The following PDS5A variants were observed in gnomAD, a reference collection of about 807,000 sequenced individuals.
The protein encoded by PDS5A is PDS5 cohesin associated factor A.
A neutral mutation model predicts 167.1 loss-of-function variants in PDS5A; 42 were observed. The ratio of observed to expected loss-of-function variants is 0.25; its 90% CI spans 0.20 to 0.33. PDS5A has a LOEUF of 0.33. PDS5A is among the 10% of genes least tolerant of loss of function. The pLI, the probability that PDS5A is intolerant of heterozygous loss-of-function variation, is 1.00. For synonymous variants in PDS5A, 553 were observed against 554.6 expected (o/e 1.00, Z 0.04); for missense variants, 1,033 against 1,605.9 (o/e 0.64, Z 6.10).
intron 2 of PDS5A, among the ~76,000 whole-genome samples, chr4:39,957,526 C>T (rs1257293438): frequency 6.6e-6 from 1 of 152,082 alleles, no homozygotes; most frequent in Non-Finnish European, 1.5e-5. Flanking sequence ...GCACAGTGGC[C>T]TGTAATCCTA....
intron 17 of PDS5A, among the ~76,000 whole-genome samples, chr4:39,887,463 A>G (rs1184423471): frequency 6.6e-6 from 1 of 152,140 alleles, no homozygotes; most frequent in Non-Finnish European, 1.5e-5. Context: ...GATGAATTCC[A>G]CTTTATTGTG....
intron 9 of PDS5A, among the ~76,000 whole-genome samples, chr4:39,912,762 C>T (rs1480579870): frequency 6.6e-6 from 1 of 152,166 alleles, no homozygotes; most frequent in Non-Finnish European, 1.5e-5. Flanking sequence ...TAATGAATTT[C>T]ATAAATTTGT....
chr4:39,854,128 T>C (rs1578610297), intron 26 of PDS5A, among the ~76,000 whole-genome samples: 1 of 151,796 alleles, frequency 6.6e-6, no homozygotes, highest in African/African-American at 2.4e-5. Context: ...ATGGCGAAAC[T>C]CCATCTCTTA....
chr4:39,958,595 C>A (rs1729184522), intron 2 of PDS5A, among the ~76,000 whole-genome samples: 1 of 137,404 alleles, frequency 7.3e-6, no homozygotes. Context: ...TAGTAGTACT[C>A]ATTTCTTGTC....
At chr4:39,959,766 C>A (rs1028812401) in intron 2 of PDS5A, among the ~76,000 whole-genome samples, 1 of 151,872 alleles carries the variant, frequency 6.6e-6, no homozygotes, top group African/African-American at 2.4e-5. Flanking sequence ...ACCAGCCTGG[C>A]CAACAAGGTG....
intron 2 of PDS5A, among the ~76,000 whole-genome samples, chr4:39,928,825 T>TA (rs201886708): frequency 0.3 from 41,559 of 139,250 alleles, 6,874 homozygotes; most frequent in South Asian, 0.46. Flanking sequence ...ACACTGTCTT[T>TA]AAAAAAAAAA....
chr4:39,850,333 T>C (rs1369438602), intron 26 of PDS5A, among the ~76,000 whole-genome samples: 1 of 145,690 alleles, frequency 6.9e-6, no homozygotes, highest in Non-Finnish European at 1.5e-5. Context: ...ACAAAAAAAA[T>C]ACAAAAATTA....
intron 26 of PDS5A, among the ~76,000 whole-genome samples, chr4:39,859,379 C>A (rs181742225): frequency 6.6e-6 from 1 of 152,132 alleles, no homozygotes; most frequent in Non-Finnish European, 1.5e-5. Context: ...CTCCTGGGCT[C>A]GGGCAATCCT....
chr4:39,927,835 T>G, intron 3 of PDS5A, 126 bp downstream of exon 3: 1 of 674,888 alleles, frequency 1.5e-6, no homozygotes, highest in Non-Finnish European at 2.5e-6. Flanking sequence ...CAACTTACAA[T>G]ATATTCTTAA....
chr4:39,925,742 C>T, intron 5 of PDS5A, 94 bp downstream of exon 5: 1 of 404,920 alleles, frequency 2.5e-6, no homozygotes, highest in East Asian at 4.0e-5. Context: ...TTCCTTATAA[C>T]TCTGAAATAT....
intron 32 of PDS5A, among the ~76,000 whole-genome samples, chr4:39,834,088 G>A (rs190393985): frequency 1.3e-5 from 2 of 151,846 alleles, no homozygotes; most frequent in South Asian, 2.1e-4. Context: ...ACAGTGGCGC[G>A]TGCCTGTAGT....
At chr4:39,941,696 T>C (rs1727238401) in intron 2 of PDS5A, among the ~76,000 whole-genome samples, 2 of 152,200 alleles carry the variant, frequency 1.3e-5, no homozygotes, top group Non-Finnish European at 2.9e-5. Flanking sequence ...TTGAAGTGGC[T>C]TACTGACCAA....
chr4:39,909,977 C>T (rs1723755202), intron 10 of PDS5A: 2 of 296,316 alleles, frequency 6.7e-6, no homozygotes, highest in Non-Finnish European at 1.2e-5. Flanking sequence ...GTAGCACCCG[C>T]CTGTAATACT....
In PDS5A at chr4:39,862,280, G is replaced by T; in HGVS notation, c.3025C>A (p.Leu1009Ile). 6.5e-7 allele frequency: 1 copy of T among 1,541,422 alleles called. No individual in the cohort carries two copies. Among genetic ancestry groups the T allele is most frequent in the Non-Finnish European group, 8.8e-7 (1 of 1,136,908 alleles). ...CTTGTAAAATCTGGATCATGGGCTA[G>T]CAGGTGAATCATGTATGGAACTACA... ...EYVVPYMIHLLAHDPDFTRSQ... is the reference protein window; with the variant it reads ...EYVVPYMIHLIAHDPDFTRSQ... Residue 1009 changes from leucine (L) to isoleucine (I), a missense_variant, in exon 26 of 33, where the codon CTA (leucine) becomes ATA (isoleucine). Physicochemically the swap from Leu to Ile is conservative, Grantham distance 5. This residue lies in a region of PDS5A where 367 missense variants were observed against 686.7 expected (regional missense o/e 0.53). Transcript: ENST00000303538.
chr4:39,837,847 G>A lies in PDS5A; in HGVS notation c.4010+9C>T, dbSNP rs373830943. 2.6e-5 allele frequency: 42 copies of A among 1,587,732 alleles called. No homozygotes were observed. Among genetic ancestry groups the A allele is most frequent in the Admixed American group, 1.9e-4 (11 of 57,060 alleles). Reference sequence around the variant, plus strand: ...AAATTCCCACTTGAGGAAGAATGGCGTACATTACCTTTGTAAGTCAATTTG... The same window carrying A: ...AAATTCCCACTTGAGGAAGAATGGCATACATTACCTTTGTAAGTCAATTTG... On this transcript the variant is annotated intron_variant, in intron 32 of 32. Transcript: ENST00000303538.
In PDS5A at chr4:39,898,035, TTTA is replaced by T. The variant is rs1008598499; in HGVS notation, c.1770+351_1770+353del. 9 of 981,660 alleles carry T rather than the reference TTTA, an allele frequency of 9.2e-6. No individual in the cohort carries two copies. In the African/African-American group the frequency reaches 1.6e-4, roughly 17 times the overall value. 60.8% of individuals were successfully genotyped at this position (981,660 alleles called of 1,614,324 possible). Reference sequence around the variant, plus strand: ...TATATGGCAATGTTACTACTACTAATTTATTGACGATTATTTCCATTCTAATAC... The same window carrying T: ...TATATGGCAATGTTACTACTACTAATTTGACGATTATTTCCATTCTAATAC... On this transcript the variant is annotated intron_variant, in intron 16 of 32. Coordinates refer to ENST00000303538, the MANE Select transcript of PDS5A (RefSeq NM_001100399.2).
chr4:39,972,094 A>C (rs189657846), intron 2 of PDS5A, among the ~76,000 whole-genome samples: 1 of 152,346 alleles, frequency 6.6e-6, no homozygotes, highest in Admixed American at 6.5e-5. Flanking sequence ...CAAATGGATA[A>C]TCAAACTCGA....
intron 2 of PDS5A, among the ~76,000 whole-genome samples, chr4:39,971,861 T>C (rs1044526681): frequency 2.0e-5 from 3 of 152,028 alleles, no homozygotes; most frequent in Non-Finnish European, 4.4e-5. Flanking sequence ...AAGATTCTAA[T>C]AAAAAAACAA....
chr4:39,868,631 A>G (rs1719753547), intron 22 of PDS5A: 2 of 453,458 alleles, frequency 4.4e-6, no homozygotes, highest in Non-Finnish European at 8.8e-6. Context: ...GCCTAGCCCA[A>G]CTAAATTATT....
Sources: gnomAD v4.1 joint callset for allele counts (sites outside exome capture counted in the v4.1 genomes callset) on GRCh38, gnomAD v4.1.1 for gene constraint, gnomAD v4.1.1 regional missense constraint, MANE v1.5 for transcripts, NCBI Gene and HGNC (gene_info 2026-07-23, HGNC 2026-07-21) for gene names.